Variants in MINDY2 observed in about 807,000 individuals in gnomAD.
The protein encoded by MINDY2 is ubiquitin carboxyl-terminal hydrolase MINDY-2.
A neutral mutation model predicts 68.2 loss-of-function variants in MINDY2; 52 were observed. The ratio of observed to expected loss-of-function variants is 0.76; its 90% CI spans 0.61 to 0.96. The LOEUF (loss-of-function observed/expected upper bound fraction) is 0.96. MINDY2 is among the 40% of genes least tolerant of loss of function. The pLI is 0.00. For missense variants in MINDY2, 881 were observed against 773.4 expected, an observed-to-expected ratio of 1.14 and a Z score of -1.65; for synonymous variants, 372 against 303.0, an observed-to-expected ratio of 1.23 and a Z score of -2.36.
intron 2 of MINDY2, among the ~76,000 whole-genome samples, chr15:58,791,247 A>ATATC (rs1901887404): frequency 2.3e-5 from 2 of 87,504 alleles, no homozygotes; most frequent in Non-Finnish European, 4.4e-5. Context: ...ATATATATAT[A>ATATC]TATATATATC....
chr15:58,789,316 C>T (rs901248080), intron 2 of MINDY2, among the ~76,000 whole-genome samples: 5 of 152,120 alleles, frequency 3.3e-5, no homozygotes, highest in South Asian at 2.1e-4. Flanking sequence ...CCAGCCTGGG[C>T]AACAGAGCGA....
intron 5 of MINDY2, among the ~76,000 whole-genome samples, chr15:58,829,642 T>C (rs746404468): frequency 3.3e-5 from 5 of 152,180 alleles, no homozygotes; most frequent in African/African-American, 4.8e-5. Flanking sequence ...AAAAACATCT[T>C]TCTGAAGGGA....
Position 58,771,538 on chromosome 15 carries a change from C to A in MINDY2, c.143C>A (p.Thr48Asn), listed in dbSNP as rs533078522. The change falls in exon 1 of 9, where the codon ACC becomes AAC. Residue 48 changes from threonine (T) to asparagine (N), a missense_variant. Physicochemically the swap from Thr to Asn is moderately conservative, Grantham distance 65. Transcript: ENST00000559228. ...GDGPGVWAAE[T>N]SGGNGLGAAA... ...GGTCCTGGGGTATGGGCGGCGGAGACCAGCGGCGGGAATGGGCTGGGGGCG... is the reference window on the plus strand; with the variant it reads ...GGTCCTGGGGTATGGGCGGCGGAGAACAGCGGCGGGAATGGGCTGGGGGCG... 14 of 1,611,796 alleles carry A rather than the reference C, an allele frequency of 8.7e-6. No individual in the cohort carries two copies. In the Middle Eastern group the frequency reaches 8.4e-4, roughly 97 times the overall value.
chr15:58,797,221 A>T lies in MINDY2; in HGVS notation c.899-5092A>T, dbSNP rs562373951. 5.9e-5 allele frequency among the ~76,000 whole-genome samples: 9 copies of T among 152,340 alleles called. 1 individual carries two copies. In the South Asian group the frequency reaches 1.9e-3, roughly 32 times the overall value. Reference sequence around the variant, plus strand: ...TAAATAAAATATATTATTAAGATTAATTTTGCCAGGTGTGATGGCTCATGC... The same window carrying T: ...TAAATAAAATATATTATTAAGATTATTTTTGCCAGGTGTGATGGCTCATGC... On this transcript the variant is annotated intron_variant, in intron 2 of 8. Coordinates refer to ENST00000559228, the MANE Select transcript of MINDY2 (RefSeq NM_001040450.3).
At chr15:58,827,826 G>A (rs116803237) in intron 5 of MINDY2, among the ~76,000 whole-genome samples, 2 of 152,068 alleles carry the variant, frequency 1.3e-5, no homozygotes, top group Admixed American at 6.6e-5. Context: ...ATGGCCAGTG[G>A]GATGCCCTCA....
At chr15:58,823,380 G>GT (rs1483204115) in intron 5 of MINDY2, among the ~76,000 whole-genome samples, 1 of 151,836 alleles carries the variant, frequency 6.6e-6, no homozygotes, top group African/African-American at 2.4e-5. Context: ...AACATATAAA[G>GT]ATACAGGGAC....
intron 2 of MINDY2, among the ~76,000 whole-genome samples, chr15:58,794,782 CAG>C (rs1162908310): frequency 6.6e-6 from 1 of 152,134 alleles, no homozygotes; most frequent in Non-Finnish European, 1.5e-5. Context: ...AGGGAACATT[CAG>C]AGGAGTTGAA....
rs1238378246 is a variant in MINDY2, at chr15:58,772,313, T to G, written c.840+78T>G. On this transcript the variant is annotated intron_variant, in intron 1 of 8. Transcript: ENST00000559228. The stretch of plus-strand genomic sequence containing the variant: ...GGTGAGGGAGCTGCTGCATGTCAGG[T>G]GATGGCTTCCTTTCTTTCCTCATTC... 5.7e-6 allele frequency: 9 copies of G among 1,572,494 alleles called. No individual in the cohort carries two copies. In the Admixed American group the frequency reaches 1.1e-4, roughly 19 times the overall value.
intron 7 of MINDY2, among the ~76,000 whole-genome samples, chr15:58,850,659 C>T (rs1316577102): frequency 6.6e-6 from 1 of 152,196 alleles, no homozygotes; most frequent in Non-Finnish European, 1.5e-5. Flanking sequence ...TCACAGCTCA[C>T]TGCAGCCTCA....
chr15:58,826,083 TTC>T (rs1361771152), intron 5 of MINDY2, among the ~76,000 whole-genome samples: 2 of 152,002 alleles, frequency 1.3e-5, no homozygotes, highest in African/African-American at 4.8e-5. Context: ...CCTTTTCTTT[TTC>T]TTTCTTCAAC....
chr15:58,858,573 G>A lies in MINDY2; in HGVS notation c.*3963G>A, dbSNP rs1175465577. ...TGTGAACTACATATCTAAAATCTTG[G>A]AGAAAAATCAAGGCAAGAATTTCCA... On this transcript the variant is annotated 3_prime_UTR_variant, in exon 9 of 9. Transcript: ENST00000559228. The A allele has an allele frequency of 1.3e-5, 2 of 152,034 alleles. No homozygotes were observed. Among genetic ancestry groups the A allele is most frequent in the East Asian group, 1.9e-4 (1 of 5,204 alleles). The allele number at this position is 152,034 out of a possible 1,614,324, so 9.4% of individuals were successfully genotyped here.
At chr15:58,833,790 A>G (rs2031860328) in intron 6 of MINDY2, among the ~76,000 whole-genome samples, 1 of 151,610 alleles carries the variant, frequency 6.6e-6, no homozygotes, top group African/African-American at 2.4e-5. Context: ...TTGCTCAGGG[A>G]CAAGCAGGAG....
At chr15:58,831,041 G>GTGTGTGTGTGTATATATA (rs565786025) in intron 5 of MINDY2, among the ~76,000 whole-genome samples, 3 of 124,902 alleles carry the variant, frequency 2.4e-5, no homozygotes, top group South Asian at 2.5e-4. Context: ...GTGTGTGTGT[G>GTGTGTGTGTGTATATATA]TATATATATA....
Position 58,847,487 on chromosome 15 carries a change from G to C in MINDY2, c.1542+17G>C, listed in dbSNP as rs770732516. ...ATAGATCAGGTAAATTTGTATTGTCGTCTTTATAGTGGTTAAAATGCTGAT... is the reference window on the plus strand; with the variant it reads ...ATAGATCAGGTAAATTTGTATTGTCCTCTTTATAGTGGTTAAAATGCTGAT... On this transcript the variant is annotated intron_variant, in intron 7 of 8. Transcript: ENST00000559228. The C allele has an allele frequency of 6.7e-7, 1 of 1,502,962 alleles. No homozygotes were observed. The highest frequency in any genetic ancestry group is 9.0e-7 in the Non-Finnish European group (1 of 1,110,968). The allele number at this position is 1,502,962 out of a possible 1,614,324, so 93.1% of individuals were successfully genotyped here. A position where few individuals can be genotyped will look rare whatever the true frequency, so the allele number is the denominator to read the frequency against.
intron 3 of MINDY2, among the ~76,000 whole-genome samples, chr15:58,803,748 G>C (rs1202048977): frequency 6.6e-6 from 1 of 151,826 alleles, no homozygotes; most frequent in Non-Finnish European, 1.5e-5. Context: ...CCAGGGAGGC[G>C]GAGGTTGCAG....
At chr15:58,806,066 T>C (rs1306885169) in intron 3 of MINDY2, among the ~76,000 whole-genome samples, 2 of 152,178 alleles carry the variant, frequency 1.3e-5, no homozygotes, top group Non-Finnish European at 2.9e-5. Flanking sequence ...AGAGCGAGAC[T>C]CCGTCTCAAA....
intron 3 of MINDY2, among the ~76,000 whole-genome samples, chr15:58,806,577 T>A (rs1202257555): frequency 6.6e-6 from 1 of 152,042 alleles, no homozygotes; most frequent in East Asian, 1.9e-4. Context: ...GTTAACTTAG[T>A]TGTTTTAATA....
intron 2 of MINDY2, among the ~76,000 whole-genome samples, chr15:58,788,464 A>G (rs1901655665): frequency 6.6e-6 from 1 of 152,112 alleles, no homozygotes; most frequent in Admixed American, 6.6e-5. Flanking sequence ...TTCAACTGAA[A>G]TTTTTTTATA....
At chr15:58,777,040 G>A (rs898660919) in intron 1 of MINDY2, among the ~76,000 whole-genome samples, 1 of 152,196 alleles carries the variant, frequency 6.6e-6, no homozygotes, top group Non-Finnish European at 1.5e-5. Context: ...TTTTAAAGGA[G>A]AATCTCAGTG....
Sources: gnomAD v4.1 joint callset for allele counts (sites outside exome capture counted in the v4.1 genomes callset) on GRCh38, gnomAD v4.1.1 for gene constraint, MANE v1.5 for transcripts, NCBI Gene and HGNC (gene_info 2026-07-23, HGNC 2026-07-21) for gene names.